DNAH7: variants seen among roughly 807,000 people sequenced by gnomAD.
The protein encoded by DNAH7 is dynein axonemal heavy chain 7, also known as axonemal beta dynein heavy chain 7.
Under a neutral mutation model 444.6 loss-of-function variants are expected in DNAH7, and 397 were observed. The ratio of observed to expected loss-of-function variants is 0.89; its 90% CI spans 0.82 to 0.97. The LOEUF is 0.97. Among genes scored for constraint, DNAH7 ranks in the 50% least tolerant of loss-of-function variants. The probability of loss-of-function intolerance (pLI) is 0.00; values close to 1 mark genes in which losing one functional copy is unlikely to be tolerated. For synonymous variants in DNAH7, 1,636 were observed against 1,624.4 expected (o/e 1.01, Z -0.17); for missense variants, 4,902 against 4,800.8 (o/e 1.02, Z -0.62).
chr2:195,959,917 A>C lies in DNAH7; in HGVS notation c.2891+343T>G, dbSNP rs191293830. Among the ~76,000 whole-genome samples the C allele has an allele frequency of 6.8e-4, 103 of 152,332 alleles. 1 individual carries two copies. Among genetic ancestry groups the C allele is most frequent in the African/African-American group, 2.4e-3 (98 of 41,588 alleles). ...AGATACAAAATTATTTTTGAGAGTT[A>C]AAAAATAAGATCATATTGTAGGCAA... On this transcript the variant is annotated intron_variant, in intron 18 of 64. Transcript: ENST00000312428.
intron 21 of DNAH7, among the ~76,000 whole-genome samples, chr2:195,928,576 C>T (rs1348764208): frequency 1.3e-5 from 2 of 152,180 alleles, no homozygotes; most frequent in Middle Eastern, 3.4e-3. Flanking sequence ...CCAGTAAACC[C>T]AGACATGGGC....
chr2:195,771,971 CT>C, intron 60 of DNAH7, 81 bp from the exon 61 acceptor site: 1 of 1,189,530 alleles, frequency 8.4e-7, no homozygotes, highest in Non-Finnish European at 1.2e-6. Context: ...TAAGGTAAAT[CT>C]TTATAAGAAA....
chr2:196,059,951 C>T (rs1251345347), intron 1 of DNAH7, among the ~76,000 whole-genome samples: 1 of 152,168 alleles, frequency 6.6e-6, no homozygotes, highest in Non-Finnish European at 1.5e-5. Flanking sequence ...CGCAGTGGCT[C>T]ATGCCTGTAA....
intron 19 of DNAH7, among the ~76,000 whole-genome samples, chr2:195,940,837 A>G (rs1388425645): frequency 6.6e-6 from 1 of 152,246 alleles, no homozygotes; most frequent in Non-Finnish European, 1.5e-5. Context: ...ATCTCATGCC[A>G]GTTAGAATGC....
intron 27 of DNAH7, 26 bp downstream of exon 27, chr2:195,906,633 A>G: frequency 6.2e-7 from 1 of 1,600,178 alleles, no homozygotes; most frequent in Non-Finnish European, 8.5e-7. Flanking sequence ...GAGAAGAAAT[A>G]GATTATATAA....
chr2:195,789,448 T>G (rs1004665213), intron 57 of DNAH7, among the ~76,000 whole-genome samples: 1 of 152,170 alleles, frequency 6.6e-6, no homozygotes, highest in Non-Finnish European at 1.5e-5. Flanking sequence ...ATTTTTACAA[T>G]CATCACAGAA....
chr2:195,912,598 T>C (rs1687423983), intron 24 of DNAH7, among the ~76,000 whole-genome samples: 2 of 152,076 alleles, frequency 1.3e-5, no homozygotes, highest in African/African-American at 4.8e-5. Context: ...GAGAAGGCAT[T>C]TTCCACAGGT....
chr2:195,834,415 C>T (rs978548860), intron 47 of DNAH7, 55 bp from the exon 48 acceptor site: 4 of 1,516,982 alleles, frequency 2.6e-6, no homozygotes, highest in Admixed American at 1.9e-5. Flanking sequence ...TTCTACACTA[C>T]TTAATCATGT....
chr2:195,946,746 C>A lies in DNAH7; in HGVS notation c.3079-9954G>T, dbSNP rs748821521. Among the ~76,000 whole-genome samples, 115 of 152,152 alleles carry A rather than the reference C, an allele frequency of 7.6e-4. 1 individual carries two copies. Among genetic ancestry groups the A allele is most frequent in the Middle Eastern group, 6.8e-3 (2 of 294 alleles). On this transcript the variant is annotated intron_variant, in intron 19 of 64. Coordinates refer to ENST00000312428, the MANE Select transcript of DNAH7 (RefSeq NM_018897.3). The stretch of plus-strand genomic sequence containing the variant: ...CCCTCCCTTCCTCCTTCTCTTCACC[C>A]GGTCCTTGTCCCAAACCCAGATGAG...
At chr2:195,846,949 A>ATATGTGTGTG (rs1553535817) in intron 46 of DNAH7, among the ~76,000 whole-genome samples, 28 of 137,216 alleles carry the variant, frequency 2.0e-4, no homozygotes, top group African/African-American at 6.2e-4. Flanking sequence ...ACTCCCATAT[A>ATATGTGTGTG]TGTGTGTGTG....
intron 12 of DNAH7, among the ~76,000 whole-genome samples, chr2:195,992,204 A>T (rs942594458): frequency 6.6e-6 from 1 of 152,190 alleles, no homozygotes; most frequent in Non-Finnish European, 1.5e-5. Context: ...CCATACAGGA[A>T]AAAAAACCTC....
chr2:195,968,258 C>T (rs956626718), intron 17 of DNAH7, among the ~76,000 whole-genome samples: 1 of 152,064 alleles, frequency 6.6e-6, no homozygotes, highest in Non-Finnish European at 1.5e-5. Flanking sequence ...TCACCTAAGG[C>T]CCATAGCATA....
At chr2:195,844,619 C>T (rs932469231) in intron 47 of DNAH7, among the ~76,000 whole-genome samples, 5 of 152,102 alleles carry the variant, frequency 3.3e-5, no homozygotes, top group South Asian at 2.1e-4. Context: ...GGGACTAAGA[C>T]GGAATTTGGA....
chr2:195,742,769 C>T (rs769014908), intron 63 of DNAH7, among the ~76,000 whole-genome samples: 5 of 152,214 alleles, frequency 3.3e-5, no homozygotes, highest in Non-Finnish European at 7.3e-5. Context: ...CTGTGCAGTG[C>T]TGTCAACTGG....
intron 23 of DNAH7, among the ~76,000 whole-genome samples, chr2:195,922,890 C>T (rs1427780992): frequency 6.6e-6 from 1 of 151,516 alleles, no homozygotes; most frequent in African/African-American, 2.4e-5. Flanking sequence ...GAGACAGGGT[C>T]TCACTCTGTC....
chr2:196,024,615 G>T, intron 7 of DNAH7, 111 bp from the exon 8 acceptor site: 1 of 568,566 alleles, frequency 1.8e-6, no homozygotes, highest in Non-Finnish European at 2.8e-6. Flanking sequence ...TTATATTAAA[G>T]TTGTTTAATA....
At chr2:195,828,161 A>G (rs984174013) in intron 48 of DNAH7, among the ~76,000 whole-genome samples, 12 of 152,244 alleles carry the variant, frequency 7.9e-5, no homozygotes, top group Non-Finnish European at 1.3e-4. Context: ...TAAAAAATTA[A>G]TAATTCACAG....
intron 44 of DNAH7, among the ~76,000 whole-genome samples, chr2:195,856,253 G>C (rs370835785): frequency 2.6e-5 from 4 of 152,118 alleles, no homozygotes; most frequent in Non-Finnish European, 5.9e-5. Flanking sequence ...TTTCCAAAAG[G>C]AGAGTAGGAT....
intron 55 of DNAH7, among the ~76,000 whole-genome samples, chr2:195,797,496 T>G (rs1435077794): frequency 6.6e-6 from 1 of 152,128 alleles, no homozygotes; most frequent in East Asian, 1.9e-4. Context: ...AGGACCCACA[T>G]AGGAGCCAGA....
Sources: gnomAD v4.1 joint callset for allele counts (sites outside exome capture counted in the v4.1 genomes callset) on GRCh38, gnomAD v4.1.1 for gene constraint, MANE v1.5 for transcripts, NCBI Gene and HGNC (gene_info 2026-07-23, HGNC 2026-07-21) for gene names.